Variants in DAB1 observed in about 807,000 individuals in gnomAD.
The protein encoded by DAB1 is disabled homolog 1.
Under a neutral mutation model 64.6 loss-of-function variants are expected in DAB1, and 15 were observed. That is an observed-to-expected ratio of 0.23 (90% confidence interval 0.16 to 0.36). The LOEUF is 0.36. DAB1 is among the 10% of genes least tolerant of loss of function. DAB1 has a pLI of 1.00. For missense variants in DAB1, 596 were observed against 706.7 expected (o/e 0.84, Z 1.78); for synonymous variants, 235 against 251.9 (o/e 0.93, Z 0.64).
chr1:57,583,290 C>T (rs953036693), intron 7 of DAB1, among the ~76,000 whole-genome samples: 64 of 136,346 alleles, frequency 4.7e-4, no homozygotes, highest in African/African-American at 1.6e-3. Flanking sequence ...TTTTTCTTTT[C>T]TTTTTTTTTT....
At chr1:57,404,917 C>A (rs1683513696) in intron 1 of DAB1, among the ~76,000 whole-genome samples, 1 of 152,148 alleles carries the variant, frequency 6.6e-6, no homozygotes, top group Non-Finnish European at 1.5e-5. Flanking sequence ...TATATCCTAA[C>A]AGTTTTATAC....
At chr1:57,451,277 C>T (rs1686347024) in intron 7 of DAB1, among the ~76,000 whole-genome samples, 1 of 152,148 alleles carries the variant, frequency 6.6e-6, no homozygotes, top group African/African-American at 2.4e-5. Context: ...AGACATTAAG[C>T]CTCTGCCCAC....
At chr1:57,872,611 C>T (rs1014715888) in intron 1 of DAB1, among the ~76,000 whole-genome samples, 3 of 152,158 alleles carry the variant, frequency 2.0e-5, no homozygotes, top group African/African-American at 7.2e-5. Context: ...TCCTCATCTT[C>T]AAGGGGTCCG....
At chr1:57,916,626 G>A (rs1413371686) in intron 5 of DAB1, among the ~76,000 whole-genome samples, 1 of 152,198 alleles carries the variant, frequency 6.6e-6, no homozygotes, top group African/African-American at 2.4e-5. Flanking sequence ...TGAGGAAACT[G>A]AGGCATGGAT....
At chr1:57,168,346 T>A (rs1373904651) in intron 2 of DAB1, among the ~76,000 whole-genome samples, 1 of 152,238 alleles carries the variant, frequency 6.6e-6, no homozygotes, top group Non-Finnish European at 1.5e-5. Context: ...ACCCAATAGA[T>A]AAATTCCCTG....
intron 1 of DAB1, chr1:57,865,081 G>C (rs1282672026): frequency 7.2e-5 from 11 of 152,118 alleles, no homozygotes; most frequent in Non-Finnish European, 1.0e-4. Context: ...AACCAGGCAG[G>C]CTTCTTTCAT....
intron 4 of DAB1, among the ~76,000 whole-genome samples, chr1:58,204,302 G>T (rs1373942215): frequency 6.6e-6 from 1 of 152,140 alleles, no homozygotes; most frequent in Non-Finnish European, 1.5e-5. Context: ...TAATAGAACC[G>T]AATTATTTGT....
intron 7 of DAB1, among the ~76,000 whole-genome samples, chr1:57,553,246 T>C (rs537587374): frequency 2.6e-5 from 4 of 151,124 alleles, no homozygotes; most frequent in South Asian, 4.2e-4. Context: ...TGGGTATCTA[T>C]ACTATGGGTC....
At chr1:57,244,656 C>T (rs1300824392) in intron 2 of DAB1, among the ~76,000 whole-genome samples, 2 of 152,196 alleles carry the variant, frequency 1.3e-5, no homozygotes, top group South Asian at 2.1e-4. Context: ...GGGACTTCAT[C>T]AAATCCTCCC....
intron 7 of DAB1, among the ~76,000 whole-genome samples, chr1:57,433,747 A>G (rs1432250520): frequency 6.6e-6 from 1 of 151,978 alleles, no homozygotes; most frequent in Admixed American, 6.6e-5. Context: ...TTCACAACAC[A>G]TATATCTGAC....
intron 14 of DAB1, among the ~76,000 whole-genome samples, chr1:57,008,456 T>G (rs928414401): frequency 6.6e-6 from 1 of 152,212 alleles, no homozygotes; most frequent in South Asian, 2.1e-4. Flanking sequence ...ATGGTGATGA[T>G]GAGGGTAGCT....
rs533035576 is a variant in DAB1 at position 58,033,810 on chromosome 1, A to T, written n.387+116701T>A. ...AACAAGGCATTGTTCCTCTACACTT[A>T]GAATCATCTTTTTTTTTAGGTTATC... On this transcript the variant is annotated intron_variant and non_coding_transcript_variant, in intron 5 of 20. Transcript: ENST00000485760. Among the ~76,000 whole-genome samples the T allele has an allele frequency of 3.9e-5, 6 of 152,336 alleles. No individual in the cohort carries two copies. In the South Asian group the frequency reaches 1.2e-3, roughly 32 times the overall value.
chr1:58,199,604 A>G (rs545644527), intron 4 of DAB1, among the ~76,000 whole-genome samples: 14 of 152,310 alleles, frequency 9.2e-5, no homozygotes, highest in African/African-American at 3.4e-4. Context: ...AATATTTACT[A>G]TAATGCTACT....
At chr1:58,496,419 G>A (rs1340955266) in intron 3 of DAB1, among the ~76,000 whole-genome samples, 3 of 152,130 alleles carry the variant, frequency 2.0e-5, no homozygotes, top group Non-Finnish European at 4.4e-5. Flanking sequence ...CCAGCTTCAG[G>A]TGGCACTGCT....
chr1:57,676,761 G>A (rs561915365), intron 6 of DAB1, among the ~76,000 whole-genome samples: 1 of 152,220 alleles, frequency 6.6e-6, no homozygotes, highest in East Asian at 1.9e-4. Context: ...GCCTTTCAAT[G>A]GGCTTTAAGT....
intron 7 of DAB1, among the ~76,000 whole-genome samples, chr1:57,440,367 T>C (rs2101131673): frequency 6.6e-6 from 1 of 152,312 alleles, no homozygotes; most frequent in Admixed American, 6.5e-5. Context: ...ATTCAGCCAA[T>C]GTGGTCCTAA....
In DAB1 at chr1:57,083,668, C is replaced by A. The variant is rs1375903411; in HGVS notation, c.307-11254G>T. ...AAAAAGTGAATTGACTAAAATGCAG[C>A]CAATGGAAAGGATGCTGCATTAGGA... On this transcript the variant is annotated intron_variant, in intron 4 of 14. Transcript: ENST00000371236. 2.0e-5 allele frequency among the ~76,000 whole-genome samples: 3 copies of A among 152,128 alleles called. No individual in the cohort carries two copies. The East Asian group carries it at 5.8e-4, about 29-fold the overall frequency.
At chr1:57,480,814 TCTA>T (rs1028974158) in intron 7 of DAB1, among the ~76,000 whole-genome samples, 1 of 152,068 alleles carries the variant, frequency 6.6e-6, no homozygotes, top group African/African-American at 2.4e-5. Flanking sequence ...TTACAACAAA[TCTA>T]CTAGATAGGC....
At chr1:57,584,491 C>T (rs1645354216) in intron 7 of DAB1, among the ~76,000 whole-genome samples, 1 of 152,138 alleles carries the variant, frequency 6.6e-6, no homozygotes, top group Non-Finnish European at 1.5e-5. Context: ...AATCTTTGGT[C>T]CTAGACATAG....
Sources: allele counts gnomAD v4.1 joint callset (sites outside exome capture counted in the v4.1 genomes callset), GRCh38; gene constraint gnomAD v4.1.1; transcripts MANE v1.5; gene names NCBI Gene and HGNC (gene_info 2026-07-23, HGNC 2026-07-21).